PCCA: variants seen among roughly 807,000 people sequenced by gnomAD.
PCCA encodes the protein propionyl-CoA carboxylase alpha chain, mitochondrial.
In PCCA, 74 loss-of-function variants were observed where a neutral mutation model predicts 101.3. The observed-to-expected ratio is 0.73, with a 90% CI of 0.61 to 0.89. PCCA has a LOEUF of 0.89. Ranked by LOEUF, PCCA falls within the 40% of genes least tolerant of loss-of-function variation. The probability of loss-of-function intolerance (pLI) is 0.00; values close to 1 mark genes in which losing one functional copy is unlikely to be tolerated. For missense variants in PCCA, 891 were observed against 907.0 expected (o/e 0.98, Z 0.23); for synonymous variants, 294 against 313.6 (o/e 0.94, Z 0.66).
intron 22 of PCCA, among the ~76,000 whole-genome samples, chr13:100,520,738 C>G (rs1010858050): frequency 6.7e-6 from 1 of 149,726 alleles, no homozygotes; most frequent in Non-Finnish European, 1.5e-5. Flanking sequence ...AAAAAAATAT[C>G]TATTAGTACT....
chr13:100,388,288 G>A (rs1421839507), intron 19 of PCCA, among the ~76,000 whole-genome samples: 3 of 151,918 alleles, frequency 2.0e-5, no homozygotes, highest in Non-Finnish European at 4.4e-5. Context: ...GGGCAACATA[G>A]TGAGACCCTG....
intron 19 of PCCA, among the ~76,000 whole-genome samples, chr13:100,382,023 T>A (rs1256939438): frequency 3.9e-5 from 6 of 152,222 alleles, no homozygotes; most frequent in Admixed American, 6.5e-5. Context: ...ACAGGCGGCT[T>A]AAGTGTTAAC....
At chr13:100,127,455 A>T (rs554062443) in intron 4 of PCCA, among the ~76,000 whole-genome samples, 1 of 152,300 alleles carries the variant, frequency 6.6e-6, no homozygotes, top group African/African-American at 2.4e-5. Context: ...CTTAAACAAC[A>T]TGGTTTTAAA....
At chr13:100,263,399 A>T (rs2062661529) in intron 10 of PCCA, among the ~76,000 whole-genome samples, 1 of 152,272 alleles carries the variant, frequency 6.6e-6, no homozygotes, top group Non-Finnish European at 1.5e-5. Flanking sequence ...AAAATTGATA[A>T]AAACAAATGT....
intron 2 of PCCA, chr13:100,104,491 A>C (rs2047572742): frequency 6.6e-6 from 1 of 152,088 alleles, no homozygotes; most frequent in African/African-American, 2.4e-5. Context: ...AGTGTTTGGA[A>C]GTTCCTCCTT....
chr13:100,505,939 C>T (rs1270606709), intron 21 of PCCA, among the ~76,000 whole-genome samples: 2 of 148,286 alleles, frequency 1.3e-5, no homozygotes, highest in Non-Finnish European at 3.0e-5. Context: ...GGAAATAATA[C>T]CTGGTGAATA....
chr13:100,102,923 G>T lies in PCCA; in HGVS notation c.146G>T (p.Arg49Leu). The T allele has an allele frequency of 1.9e-6, 3 of 1,611,066 alleles. No individual in the cohort carries two copies. The highest frequency in any genetic ancestry group is 2.5e-6 in the Non-Finnish European group (3 of 1,177,414). ...YYSRQCLMVS[R>L]NLGSVGYDPN... ...TCAAGACAGTGCTTAATGGTGTCCC[G>T]TAATCTTGGTTCAGTGGGATATGAT... Residue 49 changes from arginine (R) to leucine (L), a missense_variant, in exon 2 of 24, where the codon CGT (arginine) becomes CTT (leucine). Transcript: ENST00000376285.
chr13:100,326,012 A>G (rs1285512308), intron 16 of PCCA, among the ~76,000 whole-genome samples: 1 of 152,188 alleles, frequency 6.6e-6, no homozygotes, highest in Non-Finnish European at 1.5e-5. Context: ...CTGTATGGAA[A>G]CGATCGTTGA....
At chr13:100,130,004 C>T (rs1454416050) in intron 4 of PCCA, among the ~76,000 whole-genome samples, 1 of 152,166 alleles carries the variant, frequency 6.6e-6, no homozygotes, top group East Asian at 1.9e-4. Context: ...CATTGTTGTA[C>T]ATTTGAAGTA....
chr13:100,263,668 A>G (rs1408703651), intron 10 of PCCA, among the ~76,000 whole-genome samples: 1 of 152,138 alleles, frequency 6.6e-6, no homozygotes, highest in Non-Finnish European at 1.5e-5. Context: ...AATCAGTTGG[A>G]TGTTTTACAA....
At chr13:100,304,487 G>A (rs2066306739) in intron 14 of PCCA, among the ~76,000 whole-genome samples, 2 of 152,174 alleles carry the variant, frequency 1.3e-5, no homozygotes, top group African/African-American at 4.8e-5. Context: ...AGGCCCATGA[G>A]TCCCCTCCCT....
At chr13:100,523,519 GCA>G in intron 22 of PCCA, among the ~76,000 whole-genome samples, 1 of 152,280 alleles carries the variant, frequency 6.6e-6, no homozygotes, top group African/African-American at 2.4e-5. Flanking sequence ...CAGCTCTTCA[GCA>G]CAGAGCAATG....
intron 21 of PCCA, among the ~76,000 whole-genome samples, chr13:100,461,868 C>T (rs79496821): frequency 0.016 from 2,405 of 152,262 alleles, 26 homozygotes; most frequent in Non-Finnish European, 0.026. Flanking sequence ...AAAAGAGAAA[C>T]GGATAGAAAG....
chr13:100,249,745 C>A (rs2061647777), intron 8 of PCCA, among the ~76,000 whole-genome samples: 1 of 152,106 alleles, frequency 6.6e-6, no homozygotes, highest in South Asian at 2.1e-4. Flanking sequence ...TCATCCATTT[C>A]TTTCGTCAGA....
At chr13:100,241,745 A>C (rs1456885123) in intron 8 of PCCA, among the ~76,000 whole-genome samples, 1 of 152,154 alleles carries the variant, frequency 6.6e-6, no homozygotes, top group Non-Finnish European at 1.5e-5. Flanking sequence ...GATTATAGAC[A>C]TGAGCCACTG....
At chr13:100,153,307 G>C (rs977395668) in intron 4 of PCCA, among the ~76,000 whole-genome samples, 1 of 152,166 alleles carries the variant, frequency 6.6e-6, no homozygotes, top group Non-Finnish European at 1.5e-5. Flanking sequence ...TTGTTGGGTA[G>C]ATGAGATTAT....
intron 7 of PCCA, among the ~76,000 whole-genome samples, chr13:100,212,752 A>G (rs2059292216): frequency 2.0e-5 from 3 of 152,050 alleles, no homozygotes; most frequent in Admixed American, 2.0e-4. Flanking sequence ...AGTTATTTAA[A>G]AATGTACAAT....
chr13:100,178,748 T>G (rs1311482269), intron 6 of PCCA, among the ~76,000 whole-genome samples: 2 of 152,148 alleles, frequency 1.3e-5, no homozygotes, highest in Non-Finnish European at 2.9e-5. Context: ...AAAAAAATAA[T>G]TTAGACACAA....
intron 6 of PCCA, among the ~76,000 whole-genome samples, chr13:100,193,425 A>G (rs775000583): frequency 3.9e-5 from 6 of 152,242 alleles, no homozygotes; most frequent in African/African-American, 1.4e-4. Flanking sequence ...TTTAGAATCA[A>G]TTGAAGACTT....
Sources: gnomAD v4.1 joint callset for allele counts (sites outside exome capture counted in the v4.1 genomes callset) on GRCh38, gnomAD v4.1.1 for gene constraint, MANE v1.5 for transcripts, NCBI Gene and HGNC (gene_info 2026-07-23, HGNC 2026-07-21) for gene names.